The following IL13RA1 variants were observed in gnomAD, a reference collection of about 807,000 sequenced individuals.
IL13RA1 encodes the protein interleukin 13 receptor subunit alpha 1.
Under a neutral mutation model 33.8 loss-of-function variants are expected in IL13RA1, and 14 were observed. That is an observed-to-expected ratio of 0.41 (90% CI 0.27 to 0.65). IL13RA1 has a LOEUF of 0.65. Among genes scored for constraint, IL13RA1 ranks in the 30% least tolerant of loss-of-function variants. The probability of loss-of-function intolerance (pLI) is 0.28; values close to 1 mark genes in which losing one functional copy is unlikely to be tolerated. For missense variants in IL13RA1, 313 were observed against 327.0 expected, an observed-to-expected ratio of 0.96 and a Z score of 0.33; for synonymous variants, 116 against 115.7, an observed-to-expected ratio of 1.00 and a Z score of -0.02.
intron 1 of IL13RA1, among the ~76,000 whole-genome samples, chrX:118,731,572 G>A (rs1184361720): frequency 2.3e-5 from 2 of 85,771 alleles, no homozygotes; most frequent in Non-Finnish European, 4.5e-5. Context: ...GCGAGACTCC[G>A]TCTCCAAAAA....
At chrX:118,785,433 C>T (rs1396645320) in intron 10 of IL13RA1, among the ~76,000 whole-genome samples, 2 of 111,334 alleles carry the variant, frequency 1.8e-5, no homozygotes, top group Non-Finnish European at 3.8e-5. Flanking sequence ...AATTTTCATC[C>T]ACCTTCATTT....
intron 4 of IL13RA1, among the ~76,000 whole-genome samples, chrX:118,756,698 G>C (rs892071716): frequency 9.0e-6 from 1 of 111,680 alleles, no homozygotes; most frequent in Admixed American, 9.5e-5. Flanking sequence ...AGGGAACAGA[G>C]GTGGGGGAAA....
chrX:118,758,452 T>C (rs763136394), intron 5 of IL13RA1, among the ~76,000 whole-genome samples: 16 of 112,448 alleles, frequency 1.4e-4, no homozygotes, highest in Non-Finnish European at 2.8e-4. Context: ...AGATGCTTTA[T>C]CCTTGTTTAG....
chrX:118,730,095 A>G (rs780219139), intron 1 of IL13RA1, among the ~76,000 whole-genome samples: 2 of 112,255 alleles, frequency 1.8e-5, no homozygotes, highest in Non-Finnish European at 3.8e-5. Flanking sequence ...ACTTGAGGCC[A>G]GGAGTTTGAG....
Position 118,794,205 on chromosome X carries a change from A to G in IL13RA1, c.*2351A>G, listed in dbSNP as rs2018008537. On this transcript the variant is annotated 3_prime_UTR_variant, in exon 11 of 11. Transcript: ENST00000371666. ...AGGGAGGGAAAAGGAAGTTATGGGA[A>G]TACCTGTGGTGGTTGTGATCCCTAG... is the stretch of plus-strand genomic sequence containing the variant. 1 of 111,783 alleles carries G rather than the reference A, an allele frequency of 8.9e-6. No homozygotes were observed. Among genetic ancestry groups the G allele is most frequent in the African/African-American group, 3.3e-5 (1 of 30,690 alleles). 9.2% of individuals were successfully genotyped at this position (111,783 alleles called of 1,213,427 possible). A position where few individuals can be genotyped will look rare whatever the true frequency, so the allele number is the denominator to read the frequency against.
At chrX:118,783,854 G>A (rs180983276) in intron 10 of IL13RA1, among the ~76,000 whole-genome samples, 1,266 of 100,498 alleles carry the variant, frequency 0.013, 29 homozygotes, top group African/African-American at 0.043. Flanking sequence ...TGAGGCAAGC[G>A]GATCACCTGA....
At chrX:118,740,591 G>A (rs978597504) in intron 1 of IL13RA1, among the ~76,000 whole-genome samples, 2 of 111,666 alleles carry the variant, frequency 1.8e-5, no homozygotes, top group African/African-American at 6.5e-5. Context: ...TCAGGAGTTC[G>A]AGACCAGCCT....
At chrX:118,787,455 G>A (rs181890229) in intron 10 of IL13RA1, among the ~76,000 whole-genome samples, 65 of 111,560 alleles carry the variant, frequency 5.8e-4, no homozygotes, top group Non-Finnish European at 1.1e-3. Flanking sequence ...CTAGAATTTC[G>A]CCTGGTTCCT....
the IL13RA1 span, among the ~76,000 whole-genome samples, chrX:118,802,547 GTTTC>G: frequency 9.0e-6 from 1 of 111,536 alleles, no homozygotes; most frequent in Non-Finnish European, 1.9e-5. Flanking sequence ...TGCAGGGCAA[GTTTC>G]TTTCTTTCTC....
intron 8 of IL13RA1, among the ~76,000 whole-genome samples, chrX:118,767,366 C>A (rs929681669): frequency 1.8e-5 from 2 of 110,914 alleles, no homozygotes; most frequent in Non-Finnish European, 3.8e-5. Flanking sequence ...CATGGTGAAA[C>A]CCCATCTCTA....
Position 118,761,306 on chromosome X carries a change from A to G in IL13RA1, c.828+17A>G. 1.2e-6 allele frequency: 1 copy of G among 852,950 alleles called. No homozygotes were observed. Among genetic ancestry groups the G allele is most frequent in the Non-Finnish European group, 1.6e-6 (1 of 612,418 alleles). 70.3% of individuals were successfully genotyped at this position (852,950 alleles called of 1,213,427 possible). ...GTTTTCTACGTAAGGTTTTAAAATT[A>G]TTGTTTTTATTTGGCTATTTTTCTT... is the stretch of plus-strand genomic sequence containing the variant. On this transcript the variant is annotated intron_variant, in intron 6 of 10. Coordinates refer to ENST00000371666, the MANE Select transcript of IL13RA1 (RefSeq NM_001560.3).
intron 5 of IL13RA1, 90 bp downstream of exon 5, chrX:118,758,332 C>T: frequency 1.1e-5 from 5 of 436,315 alleles, no homozygotes; most frequent in Non-Finnish European, 1.6e-5. Flanking sequence ...AATGATCATT[C>T]TGGGTTTAAG....
Position 118,729,402 on chromosome X carries a change from A to G in IL13RA1, c.88+1676A>G, listed in dbSNP as rs188893883. Among the ~76,000 whole-genome samples, 21 of 112,354 alleles carry G rather than the reference A, an allele frequency of 1.9e-4. No individual in the cohort carries two copies. In the Admixed American group the frequency reaches 2.0e-3, roughly 11 times the overall value. On this transcript the variant is annotated intron_variant, in intron 1 of 10. Transcript: ENST00000371666. The stretch of plus-strand genomic sequence containing the variant: ...TTGAGGTATGGTGGGAAAAAATTAG[A>G]TGTTTCCAGTGAGACTTGAGTTTTA...
chrX:118,784,137 A>ACG (rs1403041633), intron 10 of IL13RA1, among the ~76,000 whole-genome samples: 9 of 82,537 alleles, frequency 1.1e-4, no homozygotes, highest in Admixed American at 1.6e-4. Context: ...ATGTATATAT[A>ACG]TATATATATA....
intron 4 of IL13RA1, among the ~76,000 whole-genome samples, chrX:118,757,589 TG>T (rs1257262148): frequency 2.8e-5 from 3 of 105,849 alleles, no homozygotes; most frequent in Non-Finnish European, 5.8e-5. Flanking sequence ...TGAGTCACAT[TG>T]TACAATAGGG....
Position 118,766,746 on chromosome X carries a change from C to T in IL13RA1, c.877-98C>T, listed in dbSNP as rs773711439. 2.4e-4 allele frequency: 145 copies of T among 610,723 alleles called. 1 individual carries two copies. Among genetic ancestry groups the T allele is most frequent in the Admixed American group, 4.9e-4 (15 of 30,866 alleles). 50.3% of individuals were successfully genotyped at this position (610,723 alleles called of 1,213,427 possible). On this transcript the variant is annotated intron_variant, in intron 7 of 10. Coordinates refer to ENST00000371666, the MANE Select transcript of IL13RA1 (RefSeq NM_001560.3). ...TTTGAATTGCAATCCAAGTCTTAATCATAGACAGAATTTGGCAGATAATTG... is the reference window on the plus strand; with the variant it reads ...TTTGAATTGCAATCCAAGTCTTAATTATAGACAGAATTTGGCAGATAATTG...
chrX:118,786,416 G>A (rs1368803897), intron 10 of IL13RA1, among the ~76,000 whole-genome samples: 1 of 110,653 alleles, frequency 9.0e-6, no homozygotes, highest in Non-Finnish European at 1.9e-5. Flanking sequence ...TATTATTTTT[G>A]TAGAGGTGGG....
intron 1 of IL13RA1, among the ~76,000 whole-genome samples, chrX:118,739,452 G>A (rs1379986894): frequency 4.5e-5 from 5 of 111,907 alleles, no homozygotes; most frequent in African/African-American, 1.6e-4. Context: ...TTAGCATAGA[G>A]TACAAGATTT....
In IL13RA1 at chrX:118,773,806, C is replaced by T. The variant is rs758054500; in HGVS notation, c.1010-73C>T. ...AAATATTTGTGATCTTACTAGCTAA[C>T]AGAATTGCTGCTTGGTTTATTACTA... On this transcript the variant is annotated intron_variant, in intron 8 of 10. Transcript: ENST00000371666. 68 of 573,662 alleles carry T rather than the reference C, an allele frequency of 1.2e-4. No individual in the cohort carries two copies. In the African/African-American group the frequency reaches 1.4e-3, roughly 12 times the overall value. The allele number at this position is 573,662 out of a possible 1,213,427, so 47.3% of individuals were successfully genotyped here.
Sources: gnomAD v4.1 joint callset for allele counts (sites outside exome capture counted in the v4.1 genomes callset) on GRCh38, gnomAD v4.1.1 for gene constraint, MANE v1.5 for transcripts, NCBI Gene and HGNC (gene_info 2026-07-23, HGNC 2026-07-21) for gene names.